ENOX1: variants seen among roughly 807,000 people sequenced by gnomAD.
ENOX1 encodes candidate growth-related and time keeping constitutive hydroquinone (NADH) oxidase.
A neutral mutation model predicts 82.5 loss-of-function variants in ENOX1; 42 were observed. The observed-to-expected ratio is 0.51, with a 90% CI of 0.40 to 0.66. ENOX1 has a LOEUF of 0.66. Among genes scored for constraint, ENOX1 ranks in the 30% least tolerant of loss-of-function variants. The pLI, the probability that ENOX1 is intolerant of heterozygous loss-of-function variation, is 0.00. For synonymous variants in ENOX1, 271 were observed against 282.2 expected (o/e 0.96, Z 0.40); for missense variants, 608 against 811.6 (o/e 0.75, Z 3.05).
At chr13:43,376,795 T>C (rs1351117720) in intron 5 of ENOX1, among the ~76,000 whole-genome samples, 1 of 152,156 alleles carries the variant, frequency 6.6e-6, no homozygotes, top group East Asian at 1.9e-4. Context: ...GCTCTTGTTA[T>C]TACCATAAGA....
At chr13:43,229,725 C>T (rs1252647746) in intron 15 of ENOX1, among the ~76,000 whole-genome samples, 1 of 152,118 alleles carries the variant, frequency 6.6e-6, no homozygotes, top group Non-Finnish European at 1.5e-5. Context: ...ATGATCTGGA[C>T]TGCAAAGGGA....
intron 2 of ENOX1, among the ~76,000 whole-genome samples, chr13:43,581,490 C>A (rs1184852789): frequency 6.6e-6 from 1 of 152,156 alleles, no homozygotes; most frequent in Non-Finnish European, 1.5e-5. Flanking sequence ...TTTATTCCAT[C>A]CCCAAGGAGG....
At chr13:43,520,507 C>T (rs566703354) in intron 2 of ENOX1, among the ~76,000 whole-genome samples, 4 of 152,246 alleles carry the variant, frequency 2.6e-5, no homozygotes, top group African/African-American at 9.6e-5. Context: ...ATGCAAGAAA[C>T]TAGGCTAGCT....
chr13:43,350,193 C>T (rs1017688151), intron 8 of ENOX1, among the ~76,000 whole-genome samples: 5 of 152,134 alleles, frequency 3.3e-5, no homozygotes, highest in Admixed American at 6.5e-5. Context: ...AATTCTCCTT[C>T]GAAACAGTTT....
chr13:43,666,198 GC>G (rs1220921299), intron 2 of ENOX1, among the ~76,000 whole-genome samples: 2 of 152,030 alleles, frequency 1.3e-5, no homozygotes, highest in African/African-American at 4.8e-5. Context: ...ATGCAGGGTT[GC>G]CACAAACCTT....
At chr13:43,387,691 T>G (rs1441840449) in intron 5 of ENOX1, among the ~76,000 whole-genome samples, 1 of 151,990 alleles carries the variant, frequency 6.6e-6, no homozygotes, top group East Asian at 1.9e-4. Context: ...AACATACACA[T>G]GCACACACAC....
chr13:43,631,765 T>C (rs9525813), intron 2 of ENOX1, among the ~76,000 whole-genome samples: 141 of 152,348 alleles, frequency 9.3e-4, no homozygotes, highest in Non-Finnish European at 1.8e-3. Flanking sequence ...TTTACCACAT[T>C]ATCTGATCGT....
rs189382705 is a variant in ENOX1, at chr13:43,500,401, G to A, written c.-218-16249C>T. Among the ~76,000 whole-genome samples, 50 of 152,196 alleles carry A rather than the reference G, an allele frequency of 3.3e-4. No homozygotes were observed. The East Asian group carries it at 8.3e-3, about 25-fold the overall frequency. ...TAGCAGATTTTTCAGCAGAAATGTTGCAGGCAAGATGAGAGTGGGATGTTA... is the reference window on the plus strand; with the variant it reads ...TAGCAGATTTTTCAGCAGAAATGTTACAGGCAAGATGAGAGTGGGATGTTA... On this transcript the variant is annotated intron_variant, in intron 2 of 16. Coordinates refer to ENST00000690772, the MANE Select transcript of ENOX1 (RefSeq NM_001347969.2).
chr13:43,331,386 G>T (rs1247049926), intron 9 of ENOX1, among the ~76,000 whole-genome samples: 1 of 152,190 alleles, frequency 6.6e-6, no homozygotes, highest in Non-Finnish European at 1.5e-5. Context: ...CTTAAAGGCA[G>T]TAGGCTTGCC....
chr13:43,494,791 T>C (rs1041964378), intron 2 of ENOX1, among the ~76,000 whole-genome samples: 23 of 151,920 alleles, frequency 1.5e-4, no homozygotes, highest in African/African-American at 5.6e-4. Context: ...AAGTTTAGAA[T>C]AGGAAAAAAG....
intron 5 of ENOX1, among the ~76,000 whole-genome samples, chr13:43,380,494 A>C (rs2051964145): frequency 6.6e-6 from 1 of 151,776 alleles, no homozygotes; most frequent in African/African-American, 2.4e-5. Flanking sequence ...AGACAAATAG[A>C]AAATTGGAAT....
intron 2 of ENOX1, among the ~76,000 whole-genome samples, chr13:43,625,916 T>C (rs2082942878): frequency 6.6e-6 from 1 of 151,934 alleles, no homozygotes; most frequent in South Asian, 2.1e-4. Context: ...GTAGAATTAG[T>C]ATTAATTATT....
intron 14 of ENOX1, among the ~76,000 whole-genome samples, chr13:43,244,460 C>A (rs550817425): frequency 4.6e-5 from 7 of 152,168 alleles, no homozygotes; most frequent in South Asian, 4.2e-4. Context: ...TGGTTGTATT[C>A]AAAAATAGTG....
chr13:43,698,254 G>A (rs1482223900), intron 1 of ENOX1, among the ~76,000 whole-genome samples: 2 of 152,122 alleles, frequency 1.3e-5, no homozygotes, highest in Non-Finnish European at 2.9e-5. Context: ...GCCTTCAAAA[G>A]CCCCTTTAGT....
chr13:43,370,484 A>G (rs941888545), intron 5 of ENOX1, among the ~76,000 whole-genome samples: 26 of 152,144 alleles, frequency 1.7e-4, no homozygotes, highest in Non-Finnish European at 1.5e-5. Flanking sequence ...GGTCTCAGGG[A>G]TGTACACAGG....
At chr13:43,412,699 T>G in intron 4 of ENOX1, 146 bp downstream of exon 4, 1 of 768,626 alleles carries the variant, frequency 1.3e-6, no homozygotes, top group Non-Finnish European at 2.0e-6. Flanking sequence ...GACTTAGTGC[T>G]CTTTCATTTT....
At chr13:43,607,778 T>C (rs982499309) in intron 2 of ENOX1, among the ~76,000 whole-genome samples, 4 of 152,214 alleles carry the variant, frequency 2.6e-5, no homozygotes, top group African/African-American at 7.2e-5. Context: ...TTCTAATGCA[T>C]GATGCTGATT....
At chr13:43,242,341 A>G (rs1364517966) in intron 14 of ENOX1, among the ~76,000 whole-genome samples, 1 of 152,218 alleles carries the variant, frequency 6.6e-6, no homozygotes, top group Non-Finnish European at 1.5e-5. Context: ...GTGAATGTAA[A>G]GAAGAGGCTA....
At chr13:43,516,958 T>C (rs1441237043) in intron 2 of ENOX1, among the ~76,000 whole-genome samples, 1 of 152,192 alleles carries the variant, frequency 6.6e-6, no homozygotes, top group Non-Finnish European at 1.5e-5. Flanking sequence ...CATCAAAGAA[T>C]GTATATCAAA....
Sources: gnomAD v4.1 joint callset for allele counts (sites outside exome capture counted in the v4.1 genomes callset) on GRCh38, gnomAD v4.1.1 for gene constraint, MANE v1.5 for transcripts, NCBI Gene and HGNC (gene_info 2026-07-23, HGNC 2026-07-21) for gene names.